Variants in ITGB4 observed in about 807,000 individuals in gnomAD.
ITGB4 encodes the protein integrin beta-4.
Under a neutral mutation model 207.6 loss-of-function variants are expected in ITGB4, and 159 were observed. The observed-to-expected ratio is 0.77, with a 90% CI of 0.67 to 0.87. The LOEUF (loss-of-function observed/expected upper bound fraction) is 0.87, where lower values mean the gene tolerates loss of function less well. ITGB4 is among the 40% of genes least tolerant of loss of function. The pLI, the probability that ITGB4 is intolerant of heterozygous loss-of-function variation, is 0.00. For missense variants in ITGB4, 2,278 were observed against 2,546.8 expected, an observed-to-expected ratio of 0.89 and a Z score of 2.27; for synonymous variants, 1,020 against 1,062.7, an observed-to-expected ratio of 0.96 and a Z score of 0.78.
At position 75,742,244 on chromosome 17, in the gene ITGB4, A is replaced by G; in HGVS notation, c.2634-97A>G. 6.7e-7 allele frequency: 1 copy of G among 1,494,688 alleles called. No individual in the cohort carries two copies. The highest frequency in any genetic ancestry group is 9.2e-7 in the Non-Finnish European group (1 of 1,081,614). The allele number at this position is 1,494,688 out of a possible 1,614,324, so 92.6% of individuals were successfully genotyped here. A position where few individuals can be genotyped will look rare whatever the true frequency, so the allele number is the denominator to read the frequency against. ...GACCCTGCACTTCTTGCTGTCTTAC[A>G]TCCTGGCCCCTGAAGGGGAGAAGAC... On this transcript the variant is annotated intron_variant, in intron 23 of 39. Transcript: ENST00000200181. The surrounding 1 kb of genome is among the most constrained non-coding windows in gnomAD (Gnocchi z 5.9).
Position 75,751,042 on chromosome 17 carries a change from G to A in ITGB4, c.3724G>A (p.Glu1242Lys). The change falls in exon 30 of 40, where the codon GAG becomes AAG. Residue 1242 changes from glutamate (E) to lysine (K), a missense_variant. By Grantham distance (56) the Glu-to-Lys change is moderately conservative. Coordinates refer to ENST00000200181, the MANE Select transcript of ITGB4 (RefSeq NM_000213.5). ...CACGGTGACCCAGCTGAGCTGGGCT[G>A]AGCCGGCTGAGACCAACGGTGAGAT... ...SSTVTQLSWAEPAETNGEITA... is the reference protein window; with the variant it reads ...SSTVTQLSWAKPAETNGEITA... The A allele has an allele frequency of 5.0e-6, 8 of 1,613,924 alleles. No individual in the cohort carries two copies. The highest frequency in any genetic ancestry group is 6.8e-6 in the Non-Finnish European group (8 of 1,180,030).
intron 6 of ITGB4, among the ~76,000 whole-genome samples, chr17:75,728,759 T>C (rs1041354968): frequency 6.6e-6 from 1 of 151,654 alleles, no homozygotes; most frequent in Non-Finnish European, 1.5e-5. Flanking sequence ...CCAAGGCGGG[T>C]GGATCACGAG....
At chr17:75,754,898 T>C in intron 34 of ITGB4, 83 bp downstream of exon 34, 1 of 1,591,580 alleles carries the variant, frequency 6.3e-7, no homozygotes, top group Non-Finnish European at 8.6e-7. Flanking sequence ...CTGTCTGCTG[T>C]CCCCACCGCC....
In ITGB4 at chr17:75,742,649, C is replaced by G. The variant is rs2061139405; in HGVS notation, c.2850C>G (p.Ile950Met). ...TGGACGTACGGGTGCCCCTCTTTAT[C>G]CGGCCTGAGGATGACGACGAGAAGC... ...ELVDVRVPLF[I>M]RPEDDDEKQL... Residue 950 changes from isoleucine (I) to methionine (M), a missense_variant, in exon 25 of 40, where the codon ATC becomes ATG. Ile to Met is a conservative substitution (Grantham distance 10). Transcript: ENST00000200181. The surrounding 1 kb of genome is among the most constrained non-coding windows in gnomAD (Gnocchi z 5.9). 6.2e-7 allele frequency: 1 copy of G among 1,613,930 alleles called. No homozygotes were observed. The highest frequency in any genetic ancestry group is 8.5e-7 in the Non-Finnish European group (1 of 1,180,040).
rs1380858635 is a variant in ITGB4 at position 75,731,519 on chromosome 17, T to A, written c.1215+151T>A. The A allele has an allele frequency of 5.8e-6, 5 of 869,476 alleles. No individual in the cohort carries two copies. The highest frequency in any genetic ancestry group is 8.7e-6 in the Non-Finnish European group (5 of 572,638). 53.9% of individuals were successfully genotyped at this position (869,476 alleles called of 1,614,324 possible). On this transcript the variant is annotated intron_variant, in intron 10 of 39. Transcript: ENST00000200181. The surrounding 1 kb of genome is among the most constrained non-coding windows in gnomAD (Gnocchi z 6.8). ...GCCTAGCCGCTCGGATGAGCCTAGG[T>A]TGCTCCTCTGCTTGTTGGTTTCCTC...
Position 75,756,628 on chromosome 17 carries a change from T to A in ITGB4, c.4897+11T>A. On this transcript the variant is annotated intron_variant, in intron 36 of 39. Transcript: ENST00000200181. ...TGTGTCCCCTGCCAGGTGAGTTGCC[T>A]CCCCCAGCCCCAGAGCTGCCCCCAT... 6.2e-7 allele frequency: 1 copy of A among 1,612,340 alleles called. No homozygotes were observed.
At position 75,752,346 on chromosome 17, in the gene ITGB4, G is replaced by A. The variant is rs755699351; in HGVS notation, c.3966G>A (p.Arg1322=). The stretch of plus-strand genomic sequence containing the variant: ...TCAACCTGGCCACCCAGCCCAAGAG[G>A]CCCATGTCCAGTGAGTGGTGGGCAG... ...AIINLATQPK[R]PMSIPIIPDI... The change falls in exon 31 of 40, where the codon AGG becomes AGA. Residue 1322 remains arginine, a synonymous_variant. Coordinates refer to ENST00000200181, the MANE Select transcript of ITGB4 (RefSeq NM_000213.5). 7.4e-6 allele frequency: 12 copies of A among 1,612,640 alleles called. No homozygotes were observed. Among genetic ancestry groups the A allele is most frequent in the Non-Finnish European group, 1.0e-5 (12 of 1,179,726 alleles).
rs764745081 is a variant in ITGB4, at chr17:75,739,989, C to T, written c.2364C>T (p.Asp788=). 26 of 1,613,242 alleles carry T rather than the reference C, an allele frequency of 1.6e-5. No individual in the cohort carries two copies. The highest frequency in any genetic ancestry group is 2.2e-5 in the South Asian group (2 of 91,086). Residue 788 remains aspartate (D), a synonymous_variant, in exon 20 of 40, where the codon GAC becomes GAT. Coordinates refer to ENST00000200181, the MANE Select transcript of ITGB4 (RefSeq NM_000213.5). This position sits in a 1 kb window ranked among gnomAD's most constrained non-coding sequence, Gnocchi z 5.4. The part of the protein sequence containing the change: ...MLRSGNLKGR[D]VVRWKVTNNM... ...GCAGCGGGAACCTCAAGGGCCGTGA[C>T]GTGGTCCGCTGGAAGGTCACCAACA...
rs1333944360 is a variant in ITGB4, at chr17:75,750,759, A to G, written c.3554A>G (p.Asn1185Ser). Residue 1185 changes from asparagine to serine, a missense_variant, in exon 29 of 40, where the codon AAC becomes AGC. Transcript: ENST00000200181. This position sits in a 1 kb window ranked among gnomAD's most constrained non-coding sequence, Gnocchi z 5.5. Reference protein sequence around the residue: ...DSKVPSVELTNLYPYCDYEMK... With the variant: ...DSKVPSVELTSLYPYCDYEMK... ...AAGGTGCCCTCAGTGGAGCTCACCA[A>G]CCTGTACCCGTATTGCGACTATGAG... The G allele has an allele frequency of 1.2e-6, 2 of 1,613,388 alleles. No homozygotes were observed. Among genetic ancestry groups the G allele is most frequent in the East Asian group, 4.5e-5 (2 of 44,886 alleles).
intron 26 of ITGB4, among the ~76,000 whole-genome samples, chr17:75,745,792 T>C (rs906746803): frequency 6.6e-6 from 1 of 151,962 alleles, no homozygotes; most frequent in Non-Finnish European, 1.5e-5. Context: ...GGCAGGAGAA[T>C]TGCTGGAAAC....
At chr17:75,734,160 G>T in intron 13 of ITGB4, among the ~76,000 whole-genome samples, 1 of 112,674 alleles carries the variant, frequency 8.9e-6, no homozygotes, top group African/African-American at 3.8e-5. Context: ...TTTTGAGACA[G>T]AGTTTCACTC....
Position 75,729,348 on chromosome 17 carries a change from G to A in ITGB4, c.650G>A (p.Arg217Gln), listed in dbSNP as rs144968507. ...CTGACAGAAGATGTGGATGAGTTCC[G>A]GAATAAACTGCAGGGAGAGCGGATC... ...ISLTEDVDEFRNKLQGERISG... is the reference protein window; with the variant it reads ...ISLTEDVDEFQNKLQGERISG... The change falls in exon 7 of 40, where the codon CGG becomes CAG. Residue 217 changes from arginine to glutamine, a missense_variant. Coordinates refer to ENST00000200181, the MANE Select transcript of ITGB4 (RefSeq NM_000213.5). This position sits in a 1 kb window ranked among gnomAD's most constrained non-coding sequence, Gnocchi z 4.4. 105 of 1,614,006 alleles carry A rather than the reference G, an allele frequency of 6.5e-5. No individual in the cohort carries two copies. The highest frequency in any genetic ancestry group is 4.9e-4 in the Middle Eastern group (3 of 6,084).
Position 75,755,685 on chromosome 17 carries a change from G to A in ITGB4, c.4559-16G>A, listed in dbSNP as rs749368644. 85 of 1,612,482 alleles carry A rather than the reference G, an allele frequency of 5.3e-5. No individual in the cohort carries two copies. The highest frequency in any genetic ancestry group is 3.6e-4 in the South Asian group (33 of 91,062). Reference sequence around the variant, plus strand: ...AGCCCCTGCATCTCTGGCTGACTGCGGCCTCCTGTCCCCAGACTCTCGCCT... The same window carrying A: ...AGCCCCTGCATCTCTGGCTGACTGCAGCCTCCTGTCCCCAGACTCTCGCCT... On this transcript the variant is annotated splice_polypyrimidine_tract_variant and intron_variant, in intron 34 of 39. Transcript: ENST00000200181.
chr17:75,750,535 G>T lies in ITGB4; in HGVS notation c.3475-145G>T. On this transcript the variant is annotated intron_variant, in intron 28 of 39. Transcript: ENST00000200181. The surrounding 1 kb of genome is among the most constrained non-coding windows in gnomAD (Gnocchi z 5.5). ...CCCCCACCTGCTCTGCCCTAGTCCTGACGTGTGCACATGGCAGATCTCTCA... is the reference window on the plus strand; with the variant it reads ...CCCCCACCTGCTCTGCCCTAGTCCTTACGTGTGCACATGGCAGATCTCTCA... The T allele has an allele frequency of 1.2e-6, 1 of 857,502 alleles. No individual in the cohort carries two copies. The highest frequency in any genetic ancestry group is 1.9e-6 in the Non-Finnish European group (1 of 533,604). 53.1% of individuals were successfully genotyped at this position (857,502 alleles called of 1,614,324 possible). A position where few individuals can be genotyped will look rare whatever the true frequency, so the allele number is the denominator to read the frequency against.
In ITGB4 at chr17:75,739,095, A is replaced by G. The variant is rs992009602; in HGVS notation, c.2221-577A>G. ...TGGATCACTTGAGGTCAGGAGTTGG[A>G]GACAAGCCCGGCCAATATGGTGACA... On this transcript the variant is annotated intron_variant, in intron 18 of 39. Coordinates refer to ENST00000200181, the MANE Select transcript of ITGB4 (RefSeq NM_000213.5). This position sits in a 1 kb window ranked among gnomAD's most constrained non-coding sequence, Gnocchi z 5.4. 3.9e-5 allele frequency among the ~76,000 whole-genome samples: 6 copies of G among 152,148 alleles called. No homozygotes were observed. Among genetic ancestry groups the G allele is most frequent in the African/African-American group, 1.4e-4 (6 of 41,432 alleles).
In ITGB4 at chr17:75,750,879, T is replaced by C; in HGVS notation, c.3655+19T>C. ...CAGGAAGGTGAGGCCTCGCCATGTC[T>C]GTCCATTTGTCCCCTGGCTGCCCTG... On this transcript the variant is annotated intron_variant, in intron 29 of 39. Transcript: ENST00000200181. The surrounding 1 kb of genome is among the most constrained non-coding windows in gnomAD (Gnocchi z 5.5). 1 of 1,613,510 alleles carries C rather than the reference T, an allele frequency of 6.2e-7. No homozygotes were observed. Among genetic ancestry groups the C allele is most frequent in the African/African-American group, 1.3e-5 (1 of 75,048 alleles).
In ITGB4 at chr17:75,731,251, C is replaced by T. The variant is rs1406286299; in HGVS notation, c.1098C>T (p.Ile366=). ...VELLEEAFNR[I]RSNLDIRALD... is the part of the protein sequence containing the mutation. ...CAACCTCCTTCCTCCTTTAGCGGATCCGCTCCAACCTGGACATCCGGGCCC... is the reference window on the plus strand; with the variant it reads ...CAACCTCCTTCCTCCTTTAGCGGATTCGCTCCAACCTGGACATCCGGGCCC... Residue 366 remains isoleucine, a synonymous_variant, in exon 10 of 40, where the codon ATC becomes ATT. Transcript: ENST00000200181. The surrounding 1 kb of genome is among the most constrained non-coding windows in gnomAD (Gnocchi z 6.8). The T allele has an allele frequency of 1.2e-6, 2 of 1,613,284 alleles. No individual in the cohort carries two copies. Among genetic ancestry groups the T allele is most frequent in the African/African-American group, 2.7e-5 (2 of 74,944 alleles).
At chr17:75,756,311 C>T in intron 35 of ITGB4, 118 bp from the exon 36 acceptor site, 1 of 1,127,234 alleles carries the variant, frequency 8.9e-7, no homozygotes. Context: ...GTACCCAAAC[C>T]ACAGCTAGTC....
chr17:75,724,212 G>A (rs2060671930), intron 1 of ITGB4, among the ~76,000 whole-genome samples: 1 of 152,238 alleles, frequency 6.6e-6, no homozygotes, highest in African/African-American at 2.4e-5. Flanking sequence ...GATATTGGGA[G>A]GGGCCCCTCT....
Sources: gnomAD v4.1 joint callset for allele counts (sites outside exome capture counted in the v4.1 genomes callset) on GRCh38, gnomAD v4.1.1 for gene constraint, Gnocchi (gnomAD v3.1) non-coding constraint, MANE v1.5 for transcripts, NCBI Gene and HGNC (gene_info 2026-07-23, HGNC 2026-07-21) for gene names.